Variants in ZPLD1 observed in about 807,000 individuals in gnomAD.
ZPLD1 encodes the protein zona pellucida-like domain-containing protein 1.
ZPLD1 carries 34 observed loss-of-function variants against 47.2 expected under a neutral mutation model. That is an observed-to-expected ratio of 0.72 (90% CI 0.55 to 0.96). ZPLD1 has a LOEUF of 0.96. ZPLD1 is among the 40% of genes least tolerant of loss of function. ZPLD1 has a pLI of 0.00. For synonymous variants in ZPLD1, 176 were observed against 186.2 expected, an observed-to-expected ratio of 0.95 and a Z score of 0.45; for missense variants, 512 against 505.8, an observed-to-expected ratio of 1.01 and a Z score of -0.12.
chr3:102,394,576 A>G (rs1376743653), intron 7 of ZPLD1, among the ~76,000 whole-genome samples: 2 of 152,160 alleles, frequency 1.3e-5, no homozygotes, highest in East Asian at 1.9e-4. Flanking sequence ...TGATGTTAAC[A>G]GTGTTAAGAA....
At chr3:102,431,520 C>CAAGATA (rs1190462466), upstream of ZPLD1, among the ~76,000 whole-genome samples, 2 of 152,000 alleles carry the variant, frequency 1.3e-5, no homozygotes, top group African/African-American at 4.8e-5. Flanking sequence ...TGTGCAAGTG[C>CAAGATA]AAGATAAAGA....
intron 10 of ZPLD1, among the ~76,000 whole-genome samples, chr3:102,471,293 T>C (rs1707681769): frequency 6.6e-6 from 1 of 152,188 alleles, no homozygotes; most frequent in African/African-American, 2.4e-5. Flanking sequence ...TCCCTAGAAC[T>C]ACTCTGAAAA....
intron 7 of ZPLD1, among the ~76,000 whole-genome samples, chr3:102,400,149 A>T (rs1010226045): frequency 5.3e-5 from 8 of 152,014 alleles, no homozygotes; most frequent in Admixed American, 4.6e-4. Flanking sequence ...ATAACTCAGT[A>T]AAGAAAGTTT....
intron 6 of ZPLD1, 69 bp from the exon 7 acceptor site, chr3:102,462,209 ATTG>A: frequency 2.2e-6 from 2 of 895,354 alleles, no homozygotes; most frequent in Non-Finnish European, 1.7e-6. Flanking sequence ...TCTCTCTAAT[ATTG>A]TTGTTTTAAG....
At chr3:102,470,766 T>C (rs1707671428) in intron 10 of ZPLD1, among the ~76,000 whole-genome samples, 1 of 151,490 alleles carries the variant, frequency 6.6e-6, no homozygotes, top group Admixed American at 6.6e-5. Context: ...GAGTAGGCCA[T>C]GCTGGACCTG....
intron 8 of ZPLD1, among the ~76,000 whole-genome samples, chr3:102,428,879 C>G (rs1706983004): frequency 6.6e-6 from 1 of 151,864 alleles, no homozygotes; most frequent in African/African-American, 2.4e-5. Flanking sequence ...AGGTCAAATT[C>G]TTTAACACAT....
In ZPLD1 at chr3:102,470,253, A is replaced by G. The variant is rs118034434; in HGVS notation, c.934-141A>G. The G allele has an allele frequency of 1.5e-4, 96 of 657,722 alleles. No homozygotes were observed. In the East Asian group the frequency reaches 2.3e-3, roughly 16 times the overall value. 40.7% of individuals were successfully genotyped at this position (657,722 alleles called of 1,614,324 possible). On this transcript the variant is annotated intron_variant, in intron 9 of 11. Coordinates refer to ENST00000466937, the MANE Select transcript of ZPLD1 (RefSeq NM_001329788.2). ...GAAACACTGTAGCAGTTACATGCAA[A>G]GTAATTAAATAAATGCACGGAAGGA... is the stretch of plus-strand genomic sequence containing the variant.
chr3:102,435,927 C>A lies in ZPLD1; in HGVS notation c.-123+773C>A, dbSNP rs1025475027. On this transcript the variant is annotated intron_variant, in intron 1 of 11. Transcript: ENST00000466937. The stretch of plus-strand genomic sequence containing the variant: ...AGAGTGCTGGGATTACGGGCGTGAG[C>A]CACCACGCCTGGCCATTATCTTGAT... 2.0e-5 allele frequency among the ~76,000 whole-genome samples: 3 copies of A among 152,338 alleles called. No individual in the cohort carries two copies. In the South Asian group the frequency reaches 6.2e-4, roughly 32 times the overall value.
At chr3:102,451,808 A>T (rs940323457) in intron 3 of ZPLD1, among the ~76,000 whole-genome samples, 5 of 152,032 alleles carry the variant, frequency 3.3e-5, no homozygotes, top group African/African-American at 9.7e-5. Context: ...CTGTCTCTTC[A>T]TTGGATGTTT....
intron 7 of ZPLD1, among the ~76,000 whole-genome samples, chr3:102,396,651 A>G (rs1461150796): frequency 2.0e-5 from 3 of 152,154 alleles, no homozygotes; most frequent in African/African-American, 4.8e-5. Flanking sequence ...GAAGATAAGT[A>G]ACTTTTCTGA....
At chr3:102,428,153 T>C (rs191474635) in intron 8 of ZPLD1, among the ~76,000 whole-genome samples, 4 of 152,284 alleles carry the variant, frequency 2.6e-5, no homozygotes, top group Admixed American at 6.5e-5. Context: ...ATTGTTTCGG[T>C]CAATGACTTT....
intron 10 of ZPLD1, among the ~76,000 whole-genome samples, chr3:102,472,867 C>A (rs1433705567): frequency 6.6e-6 from 1 of 152,148 alleles, no homozygotes; most frequent in Non-Finnish European, 1.5e-5. Context: ...TAGCTGTATT[C>A]CTCCATTCTC....
intron 7 of ZPLD1, among the ~76,000 whole-genome samples, chr3:102,417,320 A>G (rs1706820919): frequency 6.6e-6 from 1 of 152,020 alleles, no homozygotes; most frequent in Admixed American, 6.6e-5. Context: ...AATAGTAGCA[A>G]AGTATTTCAC....
At chr3:102,408,623 T>C (rs187171106) in intron 7 of ZPLD1, among the ~76,000 whole-genome samples, 1 of 151,814 alleles carries the variant, frequency 6.6e-6, no homozygotes, top group African/African-American at 2.4e-5. Context: ...AATTTAACTT[T>C]GCTTCTCAAC....
chr3:102,399,674 A>T (rs1706597235), intron 7 of ZPLD1, among the ~76,000 whole-genome samples: 1 of 152,048 alleles, frequency 6.6e-6, no homozygotes, highest in African/African-American at 2.4e-5. Flanking sequence ...AATAAAAAAT[A>T]CCGAAACGAT....
At chr3:102,386,033 T>C (rs559951376) in intron 6 of ZPLD1, among the ~76,000 whole-genome samples, 2 of 152,216 alleles carry the variant, frequency 1.3e-5, no homozygotes, top group Non-Finnish European at 2.9e-5. Context: ...TCTGTGTTGA[T>C]TGTTATGTTT....
intron 5 of ZPLD1, among the ~76,000 whole-genome samples, 196 bp downstream of exon 5, chr3:102,456,570 T>TATC (rs1553712725): frequency 6.6e-6 from 1 of 151,926 alleles, no homozygotes; most frequent in East Asian, 1.9e-4. Flanking sequence ...TCTATCTATC[T>TATC]ATCTATCTAT....
At chr3:102,409,370 C>T (rs1334156989) in intron 7 of ZPLD1, among the ~76,000 whole-genome samples, 2 of 151,728 alleles carry the variant, frequency 1.3e-5, no homozygotes, top group Non-Finnish European at 2.9e-5. Context: ...GCTTGGTCAC[C>T]TCTGATAAAC....
At chr3:102,415,651 A>G (rs1706796878) in intron 7 of ZPLD1, among the ~76,000 whole-genome samples, 1 of 151,908 alleles carries the variant, frequency 6.6e-6, no homozygotes. Context: ...AGGTGCTTAT[A>G]CTGAATAATA....
Sources: allele counts gnomAD v4.1 joint callset (sites outside exome capture counted in the v4.1 genomes callset), GRCh38; gene constraint gnomAD v4.1.1; transcripts MANE v1.5; gene names NCBI Gene and HGNC (gene_info 2026-07-23, HGNC 2026-07-21).